BASP1: variants seen among roughly 807,000 people sequenced by gnomAD.
BASP1 encodes brain acid soluble protein 1.
In BASP1, 1 loss-of-function variant was observed where a neutral mutation model predicts 2.2. That is an observed-to-expected ratio of 0.46 (90% CI 0.16 to 2.17). BASP1 has a LOEUF of 2.17. Among genes scored for constraint, BASP1 ranks in the 30% most tolerant of loss-of-function variants. The pLI is 0.27. For synonymous variants in BASP1, 187 were observed against 154.2 expected (o/e 1.21, Z -1.58); for missense variants, 352 against 327.2 (o/e 1.08, Z -0.58).
intron 1 of BASP1, among the ~76,000 whole-genome samples, chr5:17,268,132 T>G (rs559594173): frequency 1.3e-5 from 2 of 152,294 alleles, no homozygotes; most frequent in African/African-American, 4.8e-5. Context: ...TTAGGAAATT[T>G]GAGATCCAGA....
intron 1 of BASP1, among the ~76,000 whole-genome samples, chr5:17,257,241 C>T (rs1208962907): frequency 2.0e-5 from 3 of 152,032 alleles, no homozygotes; most frequent in Admixed American, 2.0e-4. Flanking sequence ...TTTACTTGCT[C>T]TTAGAATCTA....
chr5:17,268,088 A>G (rs1740453378), intron 1 of BASP1, among the ~76,000 whole-genome samples: 1 of 151,974 alleles, frequency 6.6e-6, no homozygotes, highest in Admixed American at 6.6e-5. Context: ...CCCCCTAGAA[A>G]GAGAATACAC....
At chr5:17,218,596 C>CGGCCCG (rs1470870899) in intron 1 of BASP1, among the ~76,000 whole-genome samples, 1 of 152,218 alleles carries the variant, frequency 6.6e-6, no homozygotes, top group East Asian at 2.0e-4. Flanking sequence ...GTCCCGGCCC[C>CGGCCCG]GGCCCGGGCC....
At chr5:17,247,830 G>A (rs1426463733) in intron 1 of BASP1, among the ~76,000 whole-genome samples, 2 of 152,194 alleles carry the variant, frequency 1.3e-5, no homozygotes, top group Non-Finnish European at 2.9e-5. Flanking sequence ...GAGTATCAGA[G>A]GATAAATGTA....
At chr5:17,254,545 CTG>C (rs1356429867) in intron 1 of BASP1, among the ~76,000 whole-genome samples, 1 of 152,196 alleles carries the variant, frequency 6.6e-6, no homozygotes, top group African/African-American at 2.4e-5. Context: ...TGAAATAAGT[CTG>C]TGTGAATAAG....
chr5:17,240,467 C>T (rs1739839839), intron 1 of BASP1: 1 of 152,274 alleles, frequency 6.6e-6, no homozygotes, highest in East Asian at 1.9e-4. Flanking sequence ...ATCTGGGAGG[C>T]AGAGGTTGAA....
At chr5:17,239,519 GA>G (rs1281002367) in intron 1 of BASP1, among the ~76,000 whole-genome samples, 1 of 152,186 alleles carries the variant, frequency 6.6e-6, no homozygotes, top group African/African-American at 2.4e-5. Context: ...ACATGGAACA[GA>G]AGGCCATATT....
chr5:17,264,288 A>T (rs902266300), intron 1 of BASP1, among the ~76,000 whole-genome samples: 4 of 152,308 alleles, frequency 2.6e-5, no homozygotes, highest in Non-Finnish European at 4.4e-5. Flanking sequence ...ATAAAAAAGA[A>T]TTTTTTCCCT....
chr5:17,230,196 T>C (rs1477174060), intron 1 of BASP1, among the ~76,000 whole-genome samples: 1 of 152,188 alleles, frequency 6.6e-6, no homozygotes, highest in Non-Finnish European at 1.5e-5. Flanking sequence ...AAAATCCTAT[T>C]CTAGCATCTG....
chr5:17,233,417 C>T (rs1739675374), intron 1 of BASP1, among the ~76,000 whole-genome samples: 1 of 152,216 alleles, frequency 6.6e-6, no homozygotes, highest in African/African-American at 2.4e-5. Context: ...CCTCCCCTAA[C>T]ATACAGCTGA....
rs1435186197 is a variant in BASP1, at chr5:17,275,651, A to G, written c.435A>G (p.Glu145=). The change falls in exon 2 of 2, where the codon GAA becomes GAG. Residue 145 remains glutamate, a synonymous_variant. Transcript: ENST00000322611. This position sits in a 1 kb window ranked among gnomAD's most constrained non-coding sequence, Gnocchi z 5.3. ...PAAGEEPSKE[E]GEPKKTEAPA... is the part of the protein sequence containing the mutation. ...CCGGGGAGGAGCCCAGCAAGGAGGA[A>G]GGGGAACCCAAAAAGACTGAGGCGC... 4.6e-6 allele frequency: 7 copies of G among 1,537,750 alleles called. No homozygotes were observed. In the East Asian group the frequency reaches 9.9e-5, roughly 22 times the overall value.
At chr5:17,268,737 AGAGT>A (rs1740476503) in intron 1 of BASP1, among the ~76,000 whole-genome samples, 2 of 152,350 alleles carry the variant, frequency 1.3e-5, no homozygotes, top group South Asian at 4.1e-4. Context: ...TCTCTATTAC[AGAGT>A]GTCTTCATTA....
chr5:17,237,283 G>T (rs1739767430), intron 1 of BASP1, among the ~76,000 whole-genome samples: 1 of 152,102 alleles, frequency 6.6e-6, no homozygotes, highest in African/African-American at 2.4e-5. Flanking sequence ...GGCGGAGCTT[G>T]CAGTGAGCCG....
At chr5:17,248,919 G>A (rs1315411427) in intron 1 of BASP1, among the ~76,000 whole-genome samples, 6 of 152,110 alleles carry the variant, frequency 3.9e-5, no homozygotes, top group Non-Finnish European at 8.8e-5. Context: ...CATCCTTTAA[G>A]TATGGAGGCC....
intron 1 of BASP1, among the ~76,000 whole-genome samples, chr5:17,242,977 C>T (rs960784545): frequency 1.3e-5 from 2 of 151,300 alleles, no homozygotes; most frequent in African/African-American, 4.9e-5. Context: ...TAAGTGTTGT[C>T]GTCCCTGTAA....
rs538207233 is a variant in BASP1, at chr5:17,223,737, T to C, written c.-10+5927T>C. On this transcript the variant is annotated intron_variant, in intron 1 of 1. Coordinates refer to ENST00000322611, the MANE Select transcript of BASP1 (RefSeq NM_006317.5). ...ACTCACCCTGATTAGCTGTATGACCTTGGGTGTAGATGTAACTCATTCAGA... is the reference window on the plus strand; with the variant it reads ...ACTCACCCTGATTAGCTGTATGACCCTGGGTGTAGATGTAACTCATTCAGA... Among the ~76,000 whole-genome samples the C allele has an allele frequency of 5.9e-5, 9 of 152,338 alleles. No individual in the cohort carries two copies. In the East Asian group the frequency reaches 1.7e-3, roughly 29 times the overall value.
intron 1 of BASP1, among the ~76,000 whole-genome samples, chr5:17,257,406 C>G (rs1295834144): frequency 2.6e-5 from 4 of 152,152 alleles, no homozygotes; most frequent in African/African-American, 9.7e-5. Context: ...TCCCACCGAT[C>G]TTTTACTTAA....
intron 1 of BASP1, among the ~76,000 whole-genome samples, chr5:17,256,894 T>C (rs1368770155): frequency 1.3e-5 from 2 of 152,214 alleles, no homozygotes; most frequent in East Asian, 3.9e-4. Flanking sequence ...GAAAAAAAAA[T>C]ATTTCTAGGG....
Position 17,260,585 on chromosome 5 carries a change from T to C in BASP1, c.-9-14623T>C, listed in dbSNP as rs1278469570. Among the ~76,000 whole-genome samples, 1 of 152,204 alleles carries C rather than the reference T, an allele frequency of 6.6e-6. No homozygotes were observed. Among genetic ancestry groups the C allele is most frequent in the East Asian group, 1.9e-4 (1 of 5,204 alleles). On this transcript the variant is annotated intron_variant, in intron 1 of 1. Transcript: ENST00000322611. This position sits in a 1 kb window ranked among gnomAD's most constrained non-coding sequence, Gnocchi z 4.2. ...AACGGAAATTTCAGTTACAATTTAG[T>C]TTATTGATTTTTTTCTACTGCTGGT...
Sources: allele counts gnomAD v4.1 joint callset (sites outside exome capture counted in the v4.1 genomes callset), GRCh38; gene constraint gnomAD v4.1.1; non-coding constraint Gnocchi (gnomAD v3.1); transcripts MANE v1.5; gene names NCBI Gene and HGNC (gene_info 2026-07-23, HGNC 2026-07-21).